SHISA6: variants seen among roughly 807,000 people sequenced by gnomAD.
SHISA6 encodes shisa family member 6.
In SHISA6, 22 loss-of-function variants were observed where a neutral mutation model predicts 47.9. The ratio of observed to expected loss-of-function variants is 0.46; its 90% confidence interval spans 0.33 to 0.66. SHISA6 has a LOEUF of 0.66. Ranked by LOEUF, SHISA6 falls within the 30% of genes least tolerant of loss-of-function variation. The pLI is 0.02. For synonymous variants in SHISA6, 388 were observed against 337.8 expected (o/e 1.15, Z -1.63); for missense variants, 680 against 764.6 (o/e 0.89, Z 1.30).
At chr17:11,426,877 T>C (rs1914624494) in intron 3 of SHISA6, among the ~76,000 whole-genome samples, 1 of 152,182 alleles carries the variant, frequency 6.6e-6, no homozygotes, top group South Asian at 2.1e-4. Flanking sequence ...TCTTCCACTT[T>C]CATTTTCTCA....
At chr17:11,513,621 T>C (rs1305249911) in intron 3 of SHISA6, among the ~76,000 whole-genome samples, 5 of 152,216 alleles carry the variant, frequency 3.3e-5, no homozygotes, top group African/African-American at 1.2e-4. Flanking sequence ...TGACTCTTCC[T>C]AGCCTGTTTT....
At chr17:11,459,968 C>T (rs1028963048) in intron 3 of SHISA6, among the ~76,000 whole-genome samples, 4 of 152,172 alleles carry the variant, frequency 2.6e-5, no homozygotes, top group Admixed American at 2.0e-4. Flanking sequence ...GAGGGACCGT[C>T]GACAGCCTCA....
intron 3 of SHISA6, among the ~76,000 whole-genome samples, chr17:11,501,348 GTGATCCAC>G (rs2071451758): frequency 6.6e-6 from 1 of 152,098 alleles, no homozygotes; most frequent in African/African-American, 2.4e-5. Context: ...CTGACCTCAG[GTGATCCAC>G]CCGCCTCAGC....
At chr17:11,552,031 C>T (rs1016341612) in intron 4 of SHISA6, 79 bp downstream of exon 4, 29 of 1,426,596 alleles carry the variant, frequency 2.0e-5, no homozygotes, top group Non-Finnish European at 2.8e-5. Flanking sequence ...CCTATCAGGG[C>T]ATCAAACACA....
chr17:11,273,991 A>C (rs1362592445), intron 2 of SHISA6, among the ~76,000 whole-genome samples: 1 of 152,238 alleles, frequency 6.6e-6, no homozygotes, highest in Non-Finnish European at 1.5e-5. Flanking sequence ...GGCTTTTCTC[A>C]GCATAGGATT....
chr17:11,334,346 T>C (rs1334372548), intron 2 of SHISA6, among the ~76,000 whole-genome samples: 1 of 152,128 alleles, frequency 6.6e-6, no homozygotes, highest in African/African-American at 2.4e-5. Flanking sequence ...ATTCACCCAG[T>C]TGGTGTCAGA....
At chr17:11,466,632 C>A (rs147373964) in intron 3 of SHISA6, among the ~76,000 whole-genome samples, 125 of 152,268 alleles carry the variant, frequency 8.2e-4, no homozygotes, top group African/African-American at 2.8e-3. Flanking sequence ...CATCTCTAGA[C>A]CCCCATTCCA....
chr17:11,504,441 C>G (rs1047089831), intron 3 of SHISA6, among the ~76,000 whole-genome samples: 2 of 151,972 alleles, frequency 1.3e-5, no homozygotes, highest in Non-Finnish European at 2.9e-5. Flanking sequence ...TCGTAGGAGC[C>G]CAGGGAACTG....
chr17:11,314,191 A>G (rs1378492017), intron 2 of SHISA6, among the ~76,000 whole-genome samples: 2 of 152,138 alleles, frequency 1.3e-5, no homozygotes, highest in Admixed American at 1.3e-4. Context: ...TTAAGTTGCA[A>G]ATATTTTTCC....
chr17:11,422,437 G>A (rs757303620), intron 3 of SHISA6, among the ~76,000 whole-genome samples: 1 of 152,176 alleles, frequency 6.6e-6, no homozygotes, highest in Admixed American at 6.5e-5. Context: ...CCAAGATTGA[G>A]ACATTCCCCC....
At chr17:11,248,593 C>T (rs1031759026) in intron 1 of SHISA6, among the ~76,000 whole-genome samples, 1 of 152,270 alleles carries the variant, frequency 6.6e-6, no homozygotes, top group Middle Eastern at 3.4e-3. Flanking sequence ...TCTTTCTTTC[C>T]TACGTTTCTG....
At chr17:11,538,712 G>A (rs1251850888) in intron 3 of SHISA6, among the ~76,000 whole-genome samples, 1 of 152,132 alleles carries the variant, frequency 6.6e-6, no homozygotes, top group Middle Eastern at 3.2e-3. Flanking sequence ...TTTTTAATCA[G>A]TTCCTCATGT....
intron 2 of SHISA6, among the ~76,000 whole-genome samples, chr17:11,303,018 C>G (rs540513754): frequency 6.6e-6 from 1 of 152,272 alleles, no homozygotes; most frequent in Admixed American, 6.5e-5. Flanking sequence ...GAAAGAAAGA[C>G]GTCTGACTGA....
rs534728569 is a variant in SHISA6 at position 11,342,436 on chromosome 17, G to C, written c.800-36978G>C. Reference sequence around the variant, plus strand: ...GGGACGGTGGAGATATGGAGAGAAGGCACAGGGACTCTTCCCATCAGTCTA... The same window carrying C: ...GGGACGGTGGAGATATGGAGAGAAGCCACAGGGACTCTTCCCATCAGTCTA... On this transcript the variant is annotated intron_variant, in intron 2 of 5. Transcript: ENST00000441885. Among the ~76,000 whole-genome samples, 127 of 152,100 alleles carry C rather than the reference G, an allele frequency of 8.3e-4. 1 individual carries two copies. The highest frequency in any genetic ancestry group is 2.9e-3 in the African/African-American group (121 of 41,492).
At chr17:11,346,083 A>AT (rs1911691846) in intron 2 of SHISA6, among the ~76,000 whole-genome samples, 1 of 151,984 alleles carries the variant, frequency 6.6e-6, no homozygotes, top group Non-Finnish European at 1.5e-5. Context: ...TTAGCTATGG[A>AT]TTTTTCATAG....
chr17:11,447,961 C>T (rs1237903823), intron 3 of SHISA6, among the ~76,000 whole-genome samples: 6 of 152,144 alleles, frequency 3.9e-5, no homozygotes, highest in African/African-American at 7.2e-5. Flanking sequence ...TGGAGTTCCT[C>T]GCCGCCAACT....
At position 11,294,114 on chromosome 17, in the gene SHISA6, G is replaced by T. The variant is rs989194500; in HGVS notation, c.799+30588G>T. 1.3e-4 allele frequency among the ~76,000 whole-genome samples: 20 copies of T among 152,016 alleles called. 1 individual carries two copies. The highest frequency in any genetic ancestry group is 1.2e-3 in the Admixed American group (18 of 15,250). Reference sequence around the variant, plus strand: ...TTGACCAGGATGGTCTTGATCTCTTGACCTCGTGATCCACTCACCTCGGCC... The same window carrying T: ...TTGACCAGGATGGTCTTGATCTCTTTACCTCGTGATCCACTCACCTCGGCC... On this transcript the variant is annotated intron_variant, in intron 2 of 5. Coordinates refer to ENST00000441885, the MANE Select transcript of SHISA6 (RefSeq NM_207386.4).
At chr17:11,359,557 T>C (rs1056171420) in intron 2 of SHISA6, among the ~76,000 whole-genome samples, 4 of 152,192 alleles carry the variant, frequency 2.6e-5, no homozygotes, top group African/African-American at 9.6e-5. Flanking sequence ...CACAGAACTC[T>C]GGATTGCGTG....
intron 3 of SHISA6, among the ~76,000 whole-genome samples, chr17:11,391,942 G>A (rs1913399162): frequency 6.6e-6 from 1 of 152,070 alleles, no homozygotes; most frequent in Non-Finnish European, 1.5e-5. Context: ...TCATATCCTT[G>A]TTTACCAGTA....
Sources: gnomAD v4.1 joint callset for allele counts (sites outside exome capture counted in the v4.1 genomes callset) on GRCh38, gnomAD v4.1.1 for gene constraint, MANE v1.5 for transcripts, NCBI Gene and HGNC (gene_info 2026-07-23, HGNC 2026-07-21) for gene names.